Variants in GRIN2A observed in about 807,000 individuals in gnomAD.
The protein encoded by GRIN2A is glutamate receptor ionotropic, NMDA 2A.
In GRIN2A, 22 loss-of-function variants were observed where a neutral mutation model predicts 113.4. The observed-to-expected ratio is 0.19, with a 90% CI of 0.14 to 0.28. The LOEUF is 0.28. GRIN2A is among the 10% of genes least tolerant of loss of function. The probability of loss-of-function intolerance (pLI) is 1.00; values close to 1 mark genes in which losing one functional copy is unlikely to be tolerated. For synonymous variants in GRIN2A, 827 were observed against 738.4 expected, an observed-to-expected ratio of 1.12 and a Z score of -1.94; for missense variants, 1,502 against 1,887.0, an observed-to-expected ratio of 0.80 and a Z score of 3.78.
intron 3 of GRIN2A, among the ~76,000 whole-genome samples, chr16:9,896,313 T>A (rs2043806235): frequency 6.6e-6 from 1 of 152,220 alleles, no homozygotes; most frequent in Non-Finnish European, 1.5e-5. Flanking sequence ...CCTCCCAAAG[T>A]GCTGGGATTA....
In GRIN2A at chr16:9,841,625, C is replaced by T. The variant is rs535657905; in HGVS notation, c.1329-521G>A. 2.0e-5 allele frequency among the ~76,000 whole-genome samples: 3 copies of T among 152,240 alleles called. No individual in the cohort carries two copies. In the South Asian group the frequency reaches 6.2e-4, roughly 32 times the overall value. ...AAACCAAAGGGGAGAAGTGAAGGTA[C>T]CCAGACAACACCTCAGCCAAGAATC... is the stretch of plus-strand genomic sequence containing the variant. On this transcript the variant is annotated intron_variant, in intron 5 of 12. Coordinates refer to ENST00000330684, the MANE Select transcript of GRIN2A (RefSeq NM_001134407.3).
At chr16:9,906,039 GTTGC>G (rs997339949) in intron 3 of GRIN2A, among the ~76,000 whole-genome samples, 1 of 152,020 alleles carries the variant, frequency 6.6e-6, no homozygotes, top group African/African-American at 2.4e-5. Context: ...CTTTATTTCT[GTTGC>G]TTGCTACCAA....
At chr16:9,926,938 A>AC (rs1187482429) in intron 3 of GRIN2A, among the ~76,000 whole-genome samples, 1 of 151,596 alleles carries the variant, frequency 6.6e-6, no homozygotes, top group African/African-American at 2.4e-5. Context: ...TAAAAAAAAA[A>AC]AACATGCACA....
intron 2 of GRIN2A, among the ~76,000 whole-genome samples, chr16:10,110,106 G>A (rs1316322645): frequency 3.5e-5 from 5 of 142,976 alleles, no homozygotes; most frequent in African/African-American, 1.3e-4. Context: ...CTGTGTCCAT[G>A]TGTTCTCATT....
intron 2 of GRIN2A, among the ~76,000 whole-genome samples, chr16:9,998,351 G>A (rs2046262429): frequency 6.6e-6 from 1 of 152,192 alleles, no homozygotes; most frequent in Non-Finnish European, 1.5e-5. Flanking sequence ...CAAATCCATA[G>A]AGACAGAAAT....
At chr16:10,021,421 G>C (rs894960962) in intron 2 of GRIN2A, among the ~76,000 whole-genome samples, 1 of 152,148 alleles carries the variant, frequency 6.6e-6, no homozygotes, top group African/African-American at 2.4e-5. Context: ...CCAGCAGCTG[G>C]TAAGTGTTGG....
intron 3 of GRIN2A, among the ~76,000 whole-genome samples, chr16:9,933,124 T>C (rs2044634706): frequency 6.6e-6 from 1 of 152,234 alleles, no homozygotes; most frequent in Non-Finnish European, 1.5e-5. Flanking sequence ...GGCTGAGCTA[T>C]TTTTAAACTT....
intron 11 of GRIN2A, among the ~76,000 whole-genome samples, chr16:9,788,643 T>A (rs1039774417): frequency 1.3e-5 from 2 of 151,866 alleles, no homozygotes; most frequent in African/African-American, 4.8e-5. Context: ...TCTCTATCCC[T>A]TTTTCCTTCC....
At chr16:9,782,301 A>T (rs1265852499) in intron 11 of GRIN2A, among the ~76,000 whole-genome samples, 1 of 152,234 alleles carries the variant, frequency 6.6e-6, no homozygotes, top group Non-Finnish European at 1.5e-5. Flanking sequence ...GATGATTTAA[A>T]GTATAAGATG....
intron 2 of GRIN2A, among the ~76,000 whole-genome samples, chr16:10,116,615 G>A (rs192057904): frequency 3.0e-4 from 45 of 152,302 alleles, no homozygotes; most frequent in Non-Finnish European, 5.7e-4. Context: ...GTGATCACAG[G>A]AAGTGTGGTG....
intron 2 of GRIN2A, among the ~76,000 whole-genome samples, chr16:10,170,087 T>C (rs2050009958): frequency 6.6e-6 from 1 of 152,200 alleles, no homozygotes; most frequent in Non-Finnish European, 1.5e-5. Context: ...GGGACAGCTG[T>C]AGTGAATTTG....
chr16:10,037,547 G>A (rs1054859252), intron 2 of GRIN2A, among the ~76,000 whole-genome samples: 2 of 152,166 alleles, frequency 1.3e-5, no homozygotes, highest in African/African-American at 2.4e-5. Context: ...CTAAGATAAA[G>A]TCTAAACCCC....
chr16:9,940,638 G>A (rs1430802014), intron 2 of GRIN2A, among the ~76,000 whole-genome samples: 1 of 152,112 alleles, frequency 6.6e-6, no homozygotes, highest in East Asian at 1.9e-4. Flanking sequence ...GACCAGAAAT[G>A]GAAAGAATGG....
chr16:10,076,947 T>C (rs2142045247), intron 2 of GRIN2A, among the ~76,000 whole-genome samples: 1 of 152,290 alleles, frequency 6.6e-6, no homozygotes, highest in African/African-American at 2.4e-5. Context: ...TTAAAGATCT[T>C]CAGAGGGGAA....
chr16:10,119,288 A>G (rs1284904717), intron 2 of GRIN2A, among the ~76,000 whole-genome samples: 1 of 152,226 alleles, frequency 6.6e-6, no homozygotes, highest in Non-Finnish European at 1.5e-5. Flanking sequence ...TTAGATCCTC[A>G]TTACACTTAG....
Position 10,064,331 on chromosome 16 carries a change from T to C in GRIN2A, c.414+115667A>G, listed in dbSNP as rs78638351. Among the ~76,000 whole-genome samples the C allele has an allele frequency of 3.7e-4, 57 of 152,324 alleles. No individual in the cohort carries two copies. The East Asian group carries it at 0.011, about 29-fold the overall frequency. On this transcript the variant is annotated intron_variant, in intron 2 of 12. Transcript: ENST00000330684. ...ACCTCACTTCGTTCGCCCATTTTGG[T>C]GCATCAGAACAACGTTGTCACTGGT...
intron 11 of GRIN2A, among the ~76,000 whole-genome samples, chr16:9,769,405 A>G (rs1476666354): frequency 6.8e-6 from 1 of 146,108 alleles, no homozygotes; most frequent in East Asian, 2.0e-4. Context: ...CATATATAAT[A>G]TATATAACTT....
At chr16:10,174,885 C>CAT (rs1275185168) in intron 2 of GRIN2A, among the ~76,000 whole-genome samples, 338 of 149,372 alleles carry the variant, frequency 2.3e-3, no homozygotes, top group African/African-American at 6.5e-3. Flanking sequence ...TGAGAAATTA[C>CAT]ACATATATAT....
Position 10,028,664 on chromosome 16 carries a change from T to C in GRIN2A, c.415-90113A>G, listed in dbSNP as rs142492575. On this transcript the variant is annotated intron_variant, in intron 2 of 12. Transcript: ENST00000330684. ...CCCAGGAATACCCACCATTGGACCA[T>C]CAGGTTAGCAAAAAGTAAGCTTTAT... is the stretch of plus-strand genomic sequence containing the variant. Among the ~76,000 whole-genome samples, 241 of 152,294 alleles carry C rather than the reference T, an allele frequency of 1.6e-3. 3 individuals carry two copies. Among genetic ancestry groups the C allele is most frequent in the African/African-American group, 5.7e-3 (235 of 41,572 alleles).
Sources: allele counts gnomAD v4.1 joint callset (sites outside exome capture counted in the v4.1 genomes callset), GRCh38; gene constraint gnomAD v4.1.1; transcripts MANE v1.5; gene names NCBI Gene and HGNC (gene_info 2026-07-23, HGNC 2026-07-21).